Variants in MYOM3 observed in about 807,000 individuals in gnomAD.
MYOM3 encodes the protein myomesin-3.
MYOM3 carries 155 observed loss-of-function variants against 191.7 expected under a neutral mutation model. The observed-to-expected ratio is 0.81, with a 90% CI of 0.71 to 0.92. The LOEUF is 0.92. Ranked by LOEUF, MYOM3 falls within the 40% of genes least tolerant of loss-of-function variation. The probability of loss-of-function intolerance (pLI) is 0.00; values close to 1 mark genes in which losing one functional copy is unlikely to be tolerated. For synonymous variants in MYOM3, 757 were observed against 762.9 expected (o/e 0.99, Z 0.13); for missense variants, 1,889 against 1,890.6 (o/e 1.00, Z 0.02).
intron 15 of MYOM3, among the ~76,000 whole-genome samples, chr1:24,086,120 G>A (rs1643735384): frequency 6.6e-6 from 1 of 152,188 alleles, no homozygotes; most frequent in Admixed American, 6.5e-5. Context: ...AGCCAGAGGT[G>A]GGAGCAGTGA....
chr1:24,107,069 T>C lies in MYOM3; in HGVS notation c.402+4A>G, dbSNP rs767248595. 1 of 1,604,856 alleles carries C rather than the reference T, an allele frequency of 6.2e-7. No homozygotes were observed. The highest frequency in any genetic ancestry group is 1.7e-5 in the Admixed American group (1 of 59,338). Reference sequence around the variant, plus strand: ...CCCTGGGGCTCCACGGCCCACCCCCTTACCCGCCGCCTCAGCGTCTTCCAG... The same window carrying C: ...CCCTGGGGCTCCACGGCCCACCCCCCTACCCGCCGCCTCAGCGTCTTCCAG... On this transcript the variant is annotated splice_donor_region_variant and intron_variant, in intron 4 of 36. Coordinates refer to ENST00000374434, the MANE Select transcript of MYOM3 (RefSeq NM_152372.4).
chr1:24,090,534 T>C (rs1643804451), intron 12 of MYOM3, among the ~76,000 whole-genome samples: 1 of 152,022 alleles, frequency 6.6e-6, no homozygotes, highest in Non-Finnish European at 1.5e-5. Flanking sequence ...CATGGACAGG[T>C]TTGGTTTCTC....
chr1:24,096,646 G>A (rs1401695603), intron 7 of MYOM3, among the ~76,000 whole-genome samples: 1 of 152,232 alleles, frequency 6.6e-6, no homozygotes, highest in Non-Finnish European at 1.5e-5. Context: ...TGAGAGGCAG[G>A]GAGGGTGGCC....
At chr1:24,086,908 C>A in intron 14 of MYOM3, 81 bp from the exon 15 acceptor site, 1 of 1,431,598 alleles carries the variant, frequency 7.0e-7, no homozygotes, top group Non-Finnish European at 9.6e-7. Context: ...GATCTCTGTC[C>A]CCAGCCCGTG....
intron 11 of MYOM3, 146 bp from the exon 12 acceptor site, chr1:24,091,142 T>C (rs2148555785): frequency 1.0e-6 from 1 of 970,886 alleles, no homozygotes; most frequent in African/African-American, 1.6e-5. Flanking sequence ...TGGAAGAGCC[T>C]GGCTCCAACC....
At chr1:24,061,870 G>T in intron 33 of MYOM3, 76 bp downstream of exon 33, 1 of 1,525,632 alleles carries the variant, frequency 6.6e-7, no homozygotes, top group South Asian at 1.2e-5. Context: ...GGGATTACAG[G>T]ACTGACCCAG....
At chr1:24,067,375 T>TC (rs1643458947) in intron 27 of MYOM3, among the ~76,000 whole-genome samples, 1 of 110,878 alleles carries the variant, frequency 9.0e-6, no homozygotes, top group African/African-American at 3.6e-5. Context: ...TTTCTTTCCT[T>TC]CTTTCTTTCT....
chr1:24,100,579 G>C (rs1643904661), intron 5 of MYOM3, among the ~76,000 whole-genome samples: 1 of 152,138 alleles, frequency 6.6e-6, no homozygotes, highest in Admixed American at 6.5e-5. Context: ...AATAGCCGGA[G>C]GAGCTTTCAA....
intron 19 of MYOM3, among the ~76,000 whole-genome samples, 156 bp downstream of exon 19, chr1:24,081,174 T>C (rs780305059): frequency 6.6e-6 from 1 of 152,182 alleles, no homozygotes; most frequent in Non-Finnish European, 1.5e-5. Flanking sequence ...TGTCAGGAAT[T>C]ATAGAGTGGG....
At chr1:24,089,765 T>A in intron 13 of MYOM3, 100 bp from the exon 14 acceptor site, 1 of 1,372,824 alleles carries the variant, frequency 7.3e-7, no homozygotes, top group Non-Finnish European at 9.8e-7. Context: ...CCCCTACCCA[T>A]CCCCCAGAGA....
chr1:24,091,809 C>T (rs899037574), intron 11 of MYOM3, among the ~76,000 whole-genome samples: 2 of 152,214 alleles, frequency 1.3e-5, no homozygotes, highest in Non-Finnish European at 2.9e-5. Context: ...TGTTTGCCTC[C>T]TCCCTTGGGG....
chr1:24,058,960 T>G lies in MYOM3; in HGVS notation c.4014A>C (p.Arg1338Ser), dbSNP rs1211029482. Residue 1338 changes from arginine to serine, a missense_variant, in exon 36 of 37, where the codon AGA (arginine) becomes AGC (serine). Arg to Ser is a moderately radical substitution (Grantham distance 110). Transcript: ENST00000374434. ...IIEKNRAKVV[R>S]GLPDVATIME... ...TGATAGTGGCCACATCCGGCAGACC[T>G]CTCACCACTTTGGCACGATCTGGAA... 2.5e-6 allele frequency: 4 copies of G among 1,612,076 alleles called. No individual in the cohort carries two copies. Among genetic ancestry groups the G allele is most frequent in the Non-Finnish European group, 3.4e-6 (4 of 1,179,244 alleles).
intron 29 of MYOM3, among the ~76,000 whole-genome samples, chr1:24,065,030 A>G (rs186414298): frequency 6.6e-6 from 1 of 152,280 alleles, no homozygotes; most frequent in East Asian, 1.9e-4. Context: ...CCCTGCCTGT[A>G]TGCTACAGCT....
chr1:24,082,915 T>C, intron 16 of MYOM3: 1 of 506,378 alleles, frequency 2.0e-6, no homozygotes, highest in Non-Finnish European at 3.2e-6. Context: ...CTAAGAGTTT[T>C]AAAGGATGTT....
At chr1:24,100,873 C>G (rs1165961158) in intron 5 of MYOM3, among the ~76,000 whole-genome samples, 1 of 147,126 alleles carries the variant, frequency 6.8e-6, no homozygotes, top group South Asian at 2.1e-4. Context: ...GGCAACAGAG[C>G]GAGACTCCGT....
chr1:24,084,404 ACC>A, intron 16 of MYOM3, 62 bp downstream of exon 16: 1 of 1,550,342 alleles, frequency 6.5e-7, no homozygotes, highest in South Asian at 1.1e-5. Flanking sequence ...AAAAGAAATT[ACC>A]CAGTCTCAGG....
At chr1:24,086,517 T>C in intron 15 of MYOM3, 127 bp downstream of exon 15, 1 of 961,086 alleles carries the variant, frequency 1.0e-6, no homozygotes, top group Non-Finnish European at 1.5e-6. Flanking sequence ...ATCAAATTGC[T>C]TTTCAGCTTC....
Position 24,097,974 on chromosome 1 carries a change from C to T in MYOM3, c.694G>A (p.Val232Met), listed in dbSNP as rs771509211. ...IEDSATYTVRVKNAHGQASSF... is the reference protein window; with the variant it reads ...IEDSATYTVRMKNAHGQASSF... Reference sequence around the variant, plus strand: ...GAGGCCTGGCCGTGGGCGTTCTTCACTCGCACAGTGTAAGTTGCTGAGTCC... The same window carrying T: ...GAGGCCTGGCCGTGGGCGTTCTTCATTCGCACAGTGTAAGTTGCTGAGTCC... Residue 232 changes from valine to methionine, a missense_variant, in exon 7 of 37, where the codon GTG becomes ATG. Physicochemically the swap from Val to Met is conservative, Grantham distance 21 (BLOSUM62 1). Transcript: ENST00000374434. The T allele has an allele frequency of 6.2e-7, 1 of 1,613,984 alleles. No homozygotes were observed.
chr1:24,092,993 G>A lies in MYOM3; in HGVS notation c.1044C>T (p.Pro348=). The change falls in exon 10 of 37, where the codon CCC becomes CCT. Residue 348 remains proline, a synonymous_variant. Coordinates refer to ENST00000374434, the MANE Select transcript of MYOM3 (RefSeq NM_152372.4). ...EDEGLYMVRV[P]SPFGPREQST... The stretch of plus-strand genomic sequence containing the variant: ...TCTGTTCCCGGGGTCCGAAGGGCGA[G>A]GGCACCCGGACCATGTAGAGCCCCT... 4 of 1,609,568 alleles carry A rather than the reference G, an allele frequency of 2.5e-6. No individual in the cohort carries two copies. The South Asian group carries it at 4.4e-5, about 18-fold the overall frequency.
Sources: gnomAD v4.1 joint callset for allele counts (sites outside exome capture counted in the v4.1 genomes callset) on GRCh38, gnomAD v4.1.1 for gene constraint, MANE v1.5 for transcripts, NCBI Gene and HGNC (gene_info 2026-07-23, HGNC 2026-07-21) for gene names.